The following NADSYN1 variants were observed in gnomAD, a reference collection of about 807,000 sequenced individuals.
NADSYN1 encodes the protein glutamine-dependent NAD(+) synthetase.
In NADSYN1, 80 loss-of-function variants were observed where a neutral mutation model predicts 99.3. That is an observed-to-expected ratio of 0.81 (90% CI 0.67 to 0.97). NADSYN1 has a LOEUF of 0.97. Ranked by LOEUF, NADSYN1 falls within the 50% of genes least tolerant of loss-of-function variation. NADSYN1 has a pLI of 0.00. For missense variants in NADSYN1, 859 were observed against 948.5 expected (o/e 0.91, Z 1.24); for synonymous variants, 385 against 372.1 (o/e 1.03, Z -0.40).
chr11:71,465,814 G>A (rs1055401640), intron 5 of NADSYN1, among the ~76,000 whole-genome samples: 2 of 152,134 alleles, frequency 1.3e-5, no homozygotes, highest in Non-Finnish European at 2.9e-5. Flanking sequence ...TGATTTTTAT[G>A]TTGCTTTTGT....
chr11:71,461,112 C>G (rs751039942), intron 3 of NADSYN1, among the ~76,000 whole-genome samples: 2 of 152,136 alleles, frequency 1.3e-5, no homozygotes, highest in Non-Finnish European at 2.9e-5. Flanking sequence ...TCCATTCCCA[C>G]GTAAGGTAAA....
rs573736495 is a variant in NADSYN1 at position 71,498,352 on chromosome 11, G to C, written c.1894G>C (p.Val632Leu). ...AGCTCGTGTGTTGCACGCCCACCAGGTCGCTGACAAAGTGAAGCGGTTTTT... is the reference window on the plus strand; with the variant it reads ...AGCTCGTGTGTTGCACGCCCACCAGCTCGCTGACAAAGTGAAGCGGTTTTT... ...MWRHICTPRQ[V>L]ADKVKRFFSK... The change falls in exon 20 of 21, where the codon GTC becomes CTC. Residue 632 changes from valine (V) to leucine (L), a missense_variant and splice_region_variant. By Grantham distance (32) the Val-to-Leu change is conservative (BLOSUM62 1). Coordinates refer to ENST00000319023, the MANE Select transcript of NADSYN1 (RefSeq NM_018161.5). The C allele has an allele frequency of 5.6e-6, 9 of 1,614,100 alleles. No individual in the cohort carries two copies. The highest frequency in any genetic ancestry group is 7.6e-6 in the Non-Finnish European group (9 of 1,179,990).
intron 8 of NADSYN1, 131 bp from the exon 9 acceptor site, chr11:71,474,264 T>C: frequency 8.2e-7 from 1 of 1,212,432 alleles, no homozygotes; most frequent in Non-Finnish European, 1.2e-6. Flanking sequence ...CACATATGCG[T>C]TATCTCTGCG....
intron 2 of NADSYN1, among the ~76,000 whole-genome samples, chr11:71,457,986 C>T (rs1201020407): frequency 6.6e-6 from 1 of 152,186 alleles, no homozygotes; most frequent in Non-Finnish European, 1.5e-5. Context: ...CGACTACAAG[C>T]ATCTGTAGCA....
At chr11:71,463,151 A>G (rs1949561397) in intron 3 of NADSYN1, among the ~76,000 whole-genome samples, 1 of 152,162 alleles carries the variant, frequency 6.6e-6, no homozygotes, top group Non-Finnish European at 1.5e-5. Context: ...GGAACATTCC[A>G]GGAGGAGAGG....
chr11:71,475,671 AC>A lies in NADSYN1; in HGVS notation c.798+1146del, dbSNP rs576130442. The A allele has an allele frequency of 1.6e-3, 322 of 206,654 alleles. 1 individual carries two copies. Among genetic ancestry groups the A allele is most frequent in the African/African-American group, 7.3e-3 (310 of 42,758 alleles). 12.8% of individuals were successfully genotyped at this position (206,654 alleles called of 1,614,324 possible). The stretch of plus-strand genomic sequence containing the variant: ...AAACTTCCTCCACAGAGAAGGGACC[AC>A]AGTTGGAAAGTCCTTGGGGAGGTTT... On this transcript the variant is annotated intron_variant, in intron 9 of 20. Transcript: ENST00000319023.
At chr11:71,484,733 G>A in intron 15 of NADSYN1, 1 of 402,880 alleles carries the variant, frequency 2.5e-6, no homozygotes, top group Non-Finnish European at 4.6e-6. Context: ...GCTCGAGTGT[G>A]TGCATGAGCC....
chr11:71,490,718 C>G lies in NADSYN1; in HGVS notation c.1563-127C>G, dbSNP rs1016433507. 5.0e-6 allele frequency: 7 copies of G among 1,400,162 alleles called. No homozygotes were observed. The African/African-American group carries it at 8.6e-5, about 17-fold the overall frequency. The allele number at this position is 1,400,162 out of a possible 1,614,324, so 86.7% of individuals were successfully genotyped here. On this transcript the variant is annotated intron_variant, in intron 16 of 20. Transcript: ENST00000319023. ...CTTTGCGGGTTGCTCTGGGACTTCTCCGGGATGCTTGAATATGCCACACTT... is the reference window on the plus strand; with the variant it reads ...CTTTGCGGGTTGCTCTGGGACTTCTGCGGGATGCTTGAATATGCCACACTT...
intron 18 of NADSYN1, among the ~76,000 whole-genome samples, chr11:71,494,638 C>T (rs1403452589): frequency 1.3e-5 from 2 of 152,158 alleles, no homozygotes; most frequent in Non-Finnish European, 2.9e-5. Flanking sequence ...GAAACCTCCG[C>T]CTCCCGGGTT....
At chr11:71,472,133 A>G (rs1176683601) in intron 5 of NADSYN1, among the ~76,000 whole-genome samples, 2 of 152,244 alleles carry the variant, frequency 1.3e-5, no homozygotes, top group Admixed American at 6.5e-5. Flanking sequence ...CCATGAGGCA[A>G]CGTGGCCAGT....
In NADSYN1 at chr11:71,477,564, C is replaced by G. The variant is rs144643625; in HGVS notation, c.799-831C>G. ...CACACTCGTGTTTAGCAAGGCAACA[C>G]TCAGGAACACAATTTGATAAAGATA... is the stretch of plus-strand genomic sequence containing the variant. On this transcript the variant is annotated intron_variant, in intron 9 of 20. Coordinates refer to ENST00000319023, the MANE Select transcript of NADSYN1 (RefSeq NM_018161.5). 793 of 623,024 alleles carry G rather than the reference C, an allele frequency of 1.3e-3. 6 individuals carry two copies. The African/African-American group carries it at 0.014, about 11-fold the overall frequency. The allele number at this position is 623,024 out of a possible 1,614,324, so 38.6% of individuals were successfully genotyped here.
intron 16 of NADSYN1, among the ~76,000 whole-genome samples, chr11:71,489,456 G>A (rs1949765112): frequency 6.6e-6 from 1 of 152,080 alleles, no homozygotes; most frequent in African/African-American, 2.4e-5. Flanking sequence ...AGGTTGAGCT[G>A]AGCTCTGCAC....
intron 9 of NADSYN1, chr11:71,476,154 C>T (rs1053952197): frequency 3.5e-5 from 16 of 455,726 alleles, no homozygotes; most frequent in Non-Finnish European, 4.9e-5. Context: ...TCTCCACTCT[C>T]GGGCTCAGAC....
At chr11:71,477,405 CG>C in intron 9 of NADSYN1, 1 of 1,289,804 alleles carries the variant, frequency 7.8e-7, no homozygotes, top group Non-Finnish European at 1.0e-6. Flanking sequence ...ATGCGTGAAT[CG>C]GTCTCCTTGT....
At position 71,481,927 on chromosome 11, in the gene NADSYN1, G is replaced by T. The variant is rs1204914069; in HGVS notation, c.1052G>T (p.Gly351Val). The change falls in exon 13 of 21, where the codon GGG becomes GTG. Residue 351 changes from glycine (G) to valine (V), a missense_variant. Coordinates refer to ENST00000319023, the MANE Select transcript of NADSYN1 (RefSeq NM_018161.5). ...WDFLRRSQQA[G>V]FLLPLSGGVD... ...TGTCTGATTGGTCCATTCCAGGCAG[G>T]GTTTTTGCTGCCCTTGAGTGGCGGG... The T allele has an allele frequency of 1.2e-6, 2 of 1,613,246 alleles. No individual in the cohort carries two copies. The highest frequency in any genetic ancestry group is 3.3e-5 in the Admixed American group (2 of 59,946).
At chr11:71,497,701 A>G in intron 19 of NADSYN1, 90 bp downstream of exon 19, 1 of 1,519,760 alleles carries the variant, frequency 6.6e-7, no homozygotes, top group African/African-American at 1.4e-5. Context: ...ACAAGTAGAT[A>G]ACAGTGTGAC....
chr11:71,499,008 T>C (rs1283020854), intron 20 of NADSYN1: 1 of 154,864 alleles, frequency 6.5e-6, no homozygotes, highest in Non-Finnish European at 1.4e-5. Context: ...AGATCACCTT[T>C]TCAAGATTCC....
At chr11:71,474,199 C>T (rs1949648444) in intron 8 of NADSYN1, among the ~76,000 whole-genome samples, 196 bp from the exon 9 acceptor site, 1 of 152,156 alleles carries the variant, frequency 6.6e-6, no homozygotes, top group Non-Finnish European at 1.5e-5. Context: ...TTGTGTAGAG[C>T]CTGGCACCTA....
chr11:71,495,453 G>A (rs768954680), intron 18 of NADSYN1, among the ~76,000 whole-genome samples: 5 of 152,196 alleles, frequency 3.3e-5, no homozygotes, highest in African/African-American at 4.8e-5. Flanking sequence ...TCTGACCTGG[G>A]AAGCGTCCCG....
Sources: allele counts gnomAD v4.1 joint callset (sites outside exome capture counted in the v4.1 genomes callset), GRCh38; gene constraint gnomAD v4.1.1; transcripts MANE v1.5; gene names NCBI Gene and HGNC (gene_info 2026-07-23, HGNC 2026-07-21).